MOB3B: variants seen among roughly 807,000 people sequenced by gnomAD.
MOB3B encodes MOB kinase activator-like 2B.
In MOB3B, 7 loss-of-function variants were observed where a neutral mutation model predicts 18.7. The observed-to-expected ratio is 0.37, with a 90% CI of 0.21 to 0.70. The LOEUF is 0.70. MOB3B is among the 30% of genes least tolerant of loss of function. The pLI, the probability that MOB3B is intolerant of heterozygous loss-of-function variation, is 0.52. For missense variants in MOB3B, 253 were observed against 281.3 expected (o/e 0.90, Z 0.72); for synonymous variants, 111 against 99.9 (o/e 1.11, Z -0.66).
At chr9:27,451,687 CA>C (rs1171082461) in intron 2 of MOB3B, among the ~76,000 whole-genome samples, 1 of 152,136 alleles carries the variant, frequency 6.6e-6, no homozygotes, top group African/African-American at 2.4e-5. Context: ...GCCCAGTATT[CA>C]AAGCTGTAAT....
intron 3 of MOB3B, among the ~76,000 whole-genome samples, chr9:27,338,639 C>G (rs919199762): frequency 1.3e-5 from 2 of 152,212 alleles, no homozygotes; most frequent in Non-Finnish European, 2.9e-5. Context: ...TGTGGCAAAG[C>G]GGGAACCGTA....
At chr9:27,396,360 C>G (rs2131387425) in intron 2 of MOB3B, among the ~76,000 whole-genome samples, 1 of 152,254 alleles carries the variant, frequency 6.6e-6, no homozygotes, top group South Asian at 2.1e-4. Flanking sequence ...CACTGGGGCT[C>G]TGGCAAGTTT....
At chr9:27,344,859 G>A (rs527349609) in intron 3 of MOB3B, among the ~76,000 whole-genome samples, 9 of 152,362 alleles carry the variant, frequency 5.9e-5, no homozygotes, top group African/African-American at 9.6e-5. Context: ...CCCACAGTGC[G>A]GTTTCTGAAG....
rs146644597 is a variant in MOB3B, at chr9:27,472,108, G to A, written c.-198-16360C>T. On this transcript the variant is annotated intron_variant, in intron 1 of 3. Transcript: ENST00000262244. ...TCATAGTTTCTAATCCAACTTGCAT[G>A]GAAATAGTTATCTTGCAAAAGAGTG... 5.4e-4 allele frequency among the ~76,000 whole-genome samples: 82 copies of A among 152,192 alleles called. No homozygotes were observed. The Middle Eastern group carries it at 0.014, about 25-fold the overall frequency.
At chr9:27,525,451 G>C (rs577018814) in intron 1 of MOB3B, among the ~76,000 whole-genome samples, 2 of 152,062 alleles carry the variant, frequency 1.3e-5, no homozygotes, top group East Asian at 1.9e-4. Flanking sequence ...CCTCCTGCTC[G>C]GGGGGAAAAA....
intron 1 of MOB3B, among the ~76,000 whole-genome samples, chr9:27,482,844 G>A (rs1241283531): frequency 6.6e-6 from 1 of 152,148 alleles, no homozygotes; most frequent in Admixed American, 6.5e-5. Context: ...TTCATCAGAA[G>A]GCACATGGGG....
intron 2 of MOB3B, among the ~76,000 whole-genome samples, chr9:27,413,754 G>A (rs947816258): frequency 6.6e-6 from 1 of 152,158 alleles, no homozygotes; most frequent in Non-Finnish European, 1.5e-5. Flanking sequence ...GTGGGACAGA[G>A]GAAAGTATTA....
chr9:27,458,042 A>T (rs1472385882), intron 1 of MOB3B, among the ~76,000 whole-genome samples: 1 of 152,254 alleles, frequency 6.6e-6, no homozygotes. Context: ...TTTTTAAAAA[A>T]ACAGACAATA....
intron 1 of MOB3B, among the ~76,000 whole-genome samples, chr9:27,493,563 C>T (rs1455361185): frequency 6.6e-6 from 1 of 152,070 alleles, no homozygotes; most frequent in African/African-American, 2.4e-5. Context: ...ATGGCGTGAA[C>T]CTGGGAGGTG....
At chr9:27,504,002 T>G (rs1820024591) in intron 1 of MOB3B, among the ~76,000 whole-genome samples, 1 of 152,258 alleles carries the variant, frequency 6.6e-6, no homozygotes, top group Non-Finnish European at 1.5e-5. Context: ...CCAGTCCTTG[T>G]GGCCATAAGC....
Position 27,359,149 on chromosome 9 carries a change from T to C in MOB3B, c.506A>G (p.His169Arg), listed in dbSNP as rs1821235390. 6.2e-7 allele frequency: 1 copy of C among 1,613,880 alleles called. No individual in the cohort carries two copies. Among genetic ancestry groups the C allele is most frequent in the Admixed American group, 1.7e-5 (1 of 59,970 alleles). ...ACCCATCACAATGACCCGGTCGAAG[T>C]GGTGGATATAGACGTGGACAAAGAC... ...FRVFVHVYIH[H>R]FDRVIVMGAE... Residue 169 changes from histidine (H) to arginine (R), a missense_variant, in exon 3 of 4, where the codon CAC becomes CGC. Coordinates refer to ENST00000262244, the MANE Select transcript of MOB3B (RefSeq NM_024761.5).
chr9:27,416,759 C>T (rs1246254428), intron 2 of MOB3B, among the ~76,000 whole-genome samples: 1 of 151,868 alleles, frequency 6.6e-6, no homozygotes. Context: ...TGGTCTTAAA[C>T]GTCTGGCTTT....
chr9:27,481,385 G>A (rs1394731181), intron 1 of MOB3B, among the ~76,000 whole-genome samples: 2 of 152,016 alleles, frequency 1.3e-5, no homozygotes, highest in African/African-American at 4.8e-5. Flanking sequence ...CCAGGTGTAG[G>A]AAAGCAACAA....
intron 2 of MOB3B, among the ~76,000 whole-genome samples, chr9:27,392,846 A>G (rs1373204767): frequency 2.0e-5 from 3 of 152,238 alleles, no homozygotes; most frequent in Admixed American, 2.0e-4. Context: ...CGTCATGACT[A>G]TTAATGACCT....
At chr9:27,468,647 T>C (rs867688975) in intron 1 of MOB3B, among the ~76,000 whole-genome samples, 2 of 152,192 alleles carry the variant, frequency 1.3e-5, no homozygotes, top group South Asian at 4.1e-4. Context: ...GAGCACACCC[T>C]AGACTTCACT....
At chr9:27,453,984 C>T (rs1822832738) in intron 2 of MOB3B, among the ~76,000 whole-genome samples, 1 of 152,090 alleles carries the variant, frequency 6.6e-6, no homozygotes, top group African/African-American at 2.4e-5. Flanking sequence ...CAACCTACCT[C>T]CTTCCTGTTA....
At chr9:27,466,225 A>C (rs1157591465) in intron 1 of MOB3B, among the ~76,000 whole-genome samples, 1 of 152,162 alleles carries the variant, frequency 6.6e-6, no homozygotes, top group African/African-American at 2.4e-5. Flanking sequence ...CATCTCTCTC[A>C]AGTTCAAAGT....
At chr9:27,362,009 CAA>C (rs1475104765) in intron 2 of MOB3B, among the ~76,000 whole-genome samples, 1 of 152,182 alleles carries the variant, frequency 6.6e-6, no homozygotes, top group African/African-American at 2.4e-5. Context: ...ACAGATAAGG[CAA>C]AGTTTTGGAC....
At chr9:27,461,593 T>C (rs1159465653) in intron 1 of MOB3B, among the ~76,000 whole-genome samples, 1 of 152,246 alleles carries the variant, frequency 6.6e-6, no homozygotes, top group Non-Finnish European at 1.5e-5. Flanking sequence ...TTAGTACAAA[T>C]AGGTGTAACC....
Sources: gnomAD v4.1 joint callset for allele counts (sites outside exome capture counted in the v4.1 genomes callset) on GRCh38, gnomAD v4.1.1 for gene constraint, MANE v1.5 for transcripts, NCBI Gene and HGNC (gene_info 2026-07-23, HGNC 2026-07-21) for gene names.